Variants in TBC1D5 observed in about 807,000 individuals in gnomAD.
TBC1D5 encodes TBC1 domain family member 5, also known as TBC1 domain family, member 5.
In TBC1D5, 75 loss-of-function variants were observed where a neutral mutation model predicts 100.3. The observed-to-expected ratio is 0.75, with a 90% CI of 0.62 to 0.91. The LOEUF (loss-of-function observed/expected upper bound fraction) is 0.91. Among genes scored for constraint, TBC1D5 ranks in the 40% least tolerant of loss-of-function variants. The pLI is 0.00. For synonymous variants in TBC1D5, 323 were observed against 325.6 expected (o/e 0.99, Z 0.09); for missense variants, 910 against 942.4 (o/e 0.97, Z 0.45).
At position 17,560,908 on chromosome 3, in the gene TBC1D5, A is replaced by G. The variant is rs184884069; in HGVS notation, c.-35-52303T>C. Among the ~76,000 whole-genome samples, 8 of 151,874 alleles carry G rather than the reference A, an allele frequency of 5.3e-5. No homozygotes were observed. In the East Asian group the frequency reaches 1.3e-3, roughly 26 times the overall value. ...TGCACTCCAGCCTGGGCGACAGAGC[A>G]AGACTCCATCTCAAAAAAAAAAAAG... On this transcript the variant is annotated intron_variant, in intron 2 of 21. Transcript: ENST00000253692.
chr3:17,309,471 A>G (rs2083754177), intron 13 of TBC1D5, among the ~76,000 whole-genome samples: 1 of 152,032 alleles, frequency 6.6e-6, no homozygotes, highest in African/African-American at 2.4e-5. Context: ...TTTCCACTTT[A>G]AAATATTTAA....
Position 17,313,532 on chromosome 3 carries a change from T to C in TBC1D5, c.996-5398A>G, listed in dbSNP as rs150004678. Among the ~76,000 whole-genome samples the C allele has an allele frequency of 3.0e-3, 450 of 152,306 alleles. 1 individual carries two copies. The highest frequency in any genetic ancestry group is 9.5e-3 in the African/African-American group (393 of 41,584). ...TAAAAATAATTACTCCTATCCTCCG[T>C]AATCTGAAACTCATTTAAAAAAATA... On this transcript the variant is annotated intron_variant, in intron 13 of 21. Coordinates refer to ENST00000253692, the Ensembl canonical transcript of TBC1D5.
rs1463971834 is a variant in TBC1D5 at position 17,280,723 on chromosome 3, A to T, written c.1245+11172T>A. ...AATCTTCTGCATTCATCACCTTTCA[A>T]TTCAGCCGTGCGACCTGATTTTTCC... On this transcript the variant is annotated intron_variant, in intron 15 of 21. Transcript: ENST00000253692. 2.6e-5 allele frequency among the ~76,000 whole-genome samples: 4 copies of T among 152,152 alleles called. 1 individual carries two copies. The highest frequency in any genetic ancestry group is 4.2e-4 in the South Asian group (2 of 4,804).
intron 13 of TBC1D5, among the ~76,000 whole-genome samples, chr3:17,310,777 T>A (rs1252322098): frequency 1.3e-5 from 2 of 152,060 alleles, no homozygotes; most frequent in African/African-American, 4.8e-5. Flanking sequence ...TAATAAGTTG[T>A]ACATGAGAGG....
At chr3:17,216,110 C>T (rs2073602220) in intron 17 of TBC1D5, among the ~76,000 whole-genome samples, 1 of 152,166 alleles carries the variant, frequency 6.6e-6, no homozygotes, top group East Asian at 1.9e-4. Flanking sequence ...AGAGTCAAGC[C>T]ACATTTCAGA....
chr3:17,578,644 A>G (rs1429154366), intron 2 of TBC1D5, among the ~76,000 whole-genome samples: 1 of 152,022 alleles, frequency 6.6e-6, no homozygotes, highest in Non-Finnish European at 1.5e-5. Context: ...TTGAGCTGAC[A>G]ATCTCCCCTA....
intron 2 of TBC1D5, among the ~76,000 whole-genome samples, chr3:17,518,371 CAG>C (rs2096018071): frequency 6.6e-6 from 1 of 152,208 alleles, no homozygotes; most frequent in Non-Finnish European, 1.5e-5. Flanking sequence ...GTAGCTGATG[CAG>C]AGGACTACGA....
intron 13 of TBC1D5, among the ~76,000 whole-genome samples, chr3:17,336,696 A>G (rs1197484547): frequency 6.6e-6 from 1 of 151,462 alleles, no homozygotes; most frequent in Non-Finnish European, 1.5e-5. Context: ...CCTGAAGCTA[A>G]ATGTAGCATC....
At chr3:17,249,209 T>A (rs1213130855) in intron 16 of TBC1D5, among the ~76,000 whole-genome samples, 1 of 152,234 alleles carries the variant, frequency 6.6e-6, no homozygotes, top group Non-Finnish European at 1.5e-5. Context: ...GTAGCACTTT[T>A]AATTTCCTTC....
intron 17 of TBC1D5, among the ~76,000 whole-genome samples, chr3:17,222,140 C>T (rs921788278): frequency 3.3e-5 from 5 of 151,994 alleles, no homozygotes; most frequent in Admixed American, 6.6e-5. Flanking sequence ...TTATTCATAC[C>T]TTTACTTACT....
intron 2 of TBC1D5, among the ~76,000 whole-genome samples, chr3:17,623,057 T>G (rs2062792578): frequency 6.6e-6 from 1 of 152,174 alleles, no homozygotes; most frequent in Non-Finnish European, 1.5e-5. Flanking sequence ...CTCCCAATTC[T>G]TGAACTACGG....
intron 13 of TBC1D5, among the ~76,000 whole-genome samples, chr3:17,352,224 G>T (rs979703587): frequency 1.3e-5 from 2 of 151,996 alleles, no homozygotes; most frequent in African/African-American, 4.8e-5. Flanking sequence ...TACAATAAAA[G>T]ATGTTATCGG....
chr3:17,615,574 G>T (rs2062077200), intron 2 of TBC1D5, among the ~76,000 whole-genome samples: 1 of 152,052 alleles, frequency 6.6e-6, no homozygotes, highest in African/African-American at 2.4e-5. Context: ...GCCTGTTATT[G>T]TTCTATTCAG....
At chr3:17,195,131 T>G (rs2070478210) in intron 18 of TBC1D5, among the ~76,000 whole-genome samples, 14 of 152,230 alleles carry the variant, frequency 9.2e-5, no homozygotes, top group Admixed American at 9.2e-4. Context: ...TCAAAAGGTA[T>G]AAAAGGTGTC....
chr3:17,430,893 G>T (rs567532958), intron 3 of TBC1D5, among the ~76,000 whole-genome samples: 62 of 151,832 alleles, frequency 4.1e-4, no homozygotes, highest in African/African-American at 1.5e-3. Flanking sequence ...CATTTGGAGA[G>T]GCTTAATACC....
Position 17,706,087 on chromosome 3 carries a change from C to T in TBC1D5, c.-101+33256G>A, listed in dbSNP as rs1158579640. 6.9e-6 allele frequency: 11 copies of T among 1,604,016 alleles called. No homozygotes were observed. The East Asian group carries it at 9.0e-5, about 13-fold the overall frequency. On this transcript the variant is annotated intron_variant, in intron 1 of 21. Coordinates refer to ENST00000253692, the Ensembl canonical transcript of TBC1D5. ...TTTCCCCCGACCCCAGACTGGGCGG[C>T]GGCCTCCAGCTTGCCCTCGAAGGTG...
At chr3:17,494,255 C>T (rs933788217) in intron 3 of TBC1D5, among the ~76,000 whole-genome samples, 3 of 152,192 alleles carry the variant, frequency 2.0e-5, no homozygotes, top group Admixed American at 6.5e-5. Context: ...CCACTGGAGA[C>T]TGCAGAACAG....
intron 3 of TBC1D5, among the ~76,000 whole-genome samples, chr3:17,494,495 C>G (rs2095679324): frequency 6.6e-6 from 1 of 152,224 alleles, no homozygotes; most frequent in Non-Finnish European, 1.5e-5. Context: ...CCAGACTCCT[C>G]AGAGCCAGCA....
rs570966910 is a variant in TBC1D5 at position 17,628,397 on chromosome 3, C to A, written c.-100-4484G>T. ...GGAAAAAAAAAAAAAATACACACACCCAATTTGCATGGTAGAGCCCACAGA... is the reference window on the plus strand; with the variant it reads ...GGAAAAAAAAAAAAAATACACACACACAATTTGCATGGTAGAGCCCACAGA... On this transcript the variant is annotated intron_variant, in intron 1 of 21. Coordinates refer to ENST00000253692, the Ensembl canonical transcript of TBC1D5. Among the ~76,000 whole-genome samples, 6 of 151,694 alleles carry A rather than the reference C, an allele frequency of 4.0e-5. No homozygotes were observed. The East Asian group carries it at 1.2e-3, about 29-fold the overall frequency.
Sources: allele counts gnomAD v4.1 joint callset (sites outside exome capture counted in the v4.1 genomes callset), GRCh38; gene constraint gnomAD v4.1.1; transcripts MANE v1.5; gene names NCBI Gene and HGNC (gene_info 2026-07-23, HGNC 2026-07-21).